The following ZMIZ1 variants were observed in gnomAD, a reference collection of about 807,000 sequenced individuals.
ZMIZ1 encodes the protein zinc finger MIZ-type containing 1.
Under a neutral mutation model 113.9 loss-of-function variants are expected in ZMIZ1, and 17 were observed. That is an observed-to-expected ratio of 0.15 (90% confidence interval 0.10 to 0.22). ZMIZ1 has a LOEUF of 0.22. Ranked by LOEUF, ZMIZ1 falls within the 10% of genes least tolerant of loss-of-function variation. The pLI, the probability that ZMIZ1 is intolerant of heterozygous loss-of-function variation, is 1.00. For synonymous variants in ZMIZ1, 607 were observed against 603.1 expected (o/e 1.01, Z -0.09); for missense variants, 1,059 against 1,477.8 (o/e 0.72, Z 4.65).
intron 1 of ZMIZ1, among the ~76,000 whole-genome samples, chr10:79,094,810 A>G (rs1589264132): frequency 6.6e-6 from 1 of 152,224 alleles, no homozygotes; most frequent in East Asian, 1.9e-4. Flanking sequence ...CTAGCTGAGC[A>G]TGGTGGTGTG....
intron 4 of ZMIZ1, among the ~76,000 whole-genome samples, chr10:79,185,136 C>T (rs566574666): frequency 7.9e-5 from 12 of 152,244 alleles, no homozygotes; most frequent in African/African-American, 2.6e-4. Flanking sequence ...CAGGCCAAGC[C>T]TTGGTCTCCC....
At chr10:79,142,481 A>G (rs1285789144) in intron 3 of ZMIZ1, among the ~76,000 whole-genome samples, 1 of 152,168 alleles carries the variant, frequency 6.6e-6, no homozygotes, top group Non-Finnish European at 1.5e-5. Flanking sequence ...AACAGAAAGC[A>G]GGCTCTGAGT....
intron 7 of ZMIZ1, among the ~76,000 whole-genome samples, chr10:79,250,592 C>T (rs1334225667): frequency 6.6e-6 from 1 of 152,246 alleles, no homozygotes; most frequent in Non-Finnish European, 1.5e-5. Context: ...CCCTGGACTT[C>T]TGAAGCCCGC....
chr10:79,294,731 C>G (rs1368503618), intron 12 of ZMIZ1: 2 of 152,372 alleles, frequency 1.3e-5, no homozygotes, highest in Admixed American at 6.5e-5. Flanking sequence ...CTGCCTGCCT[C>G]CCTCCCAGCT....
chr10:79,310,245 A>G (rs568496042), intron 23 of ZMIZ1, among the ~76,000 whole-genome samples: 1 of 152,260 alleles, frequency 6.6e-6, no homozygotes, highest in East Asian at 1.9e-4. Flanking sequence ...GATGTCTAGG[A>G]AAAGGGTCTG....
chr10:79,291,016 A>C lies in ZMIZ1; in HGVS notation c.598A>C (p.Met200Leu). The change falls in exon 10 of 25, where the codon ATG becomes CTG. Residue 200 changes from methionine (M) to leucine (L), a missense_variant. Transcript: ENST00000334512. The part of the protein sequence containing the change: ...NNPMNPGGNP[M>L]ASGMTTSNPG... ...CCCCATGAATCCAGGCGGCAACCCC[A>C]TGGCGTCGGGCATGACCACCAGCAA... 2.5e-6 allele frequency: 4 copies of C among 1,614,206 alleles called. No individual in the cohort carries two copies. In the South Asian group the frequency reaches 4.4e-5, roughly 18 times the overall value.
intron 4 of ZMIZ1, among the ~76,000 whole-genome samples, chr10:79,184,931 C>T (rs1253166125): frequency 6.6e-6 from 1 of 152,176 alleles, no homozygotes; most frequent in East Asian, 1.9e-4. Context: ...TGGATTTTTA[C>T]CTGCTCAGCC....
chr10:79,115,157 A>G (rs974646929), intron 1 of ZMIZ1, among the ~76,000 whole-genome samples: 2 of 152,108 alleles, frequency 1.3e-5, no homozygotes, highest in African/African-American at 2.4e-5. Context: ...TTCTGCTTGC[A>G]TGCCTCTGGG....
intron 4 of ZMIZ1, among the ~76,000 whole-genome samples, chr10:79,185,700 G>C (rs1847325026): frequency 6.6e-6 from 1 of 152,128 alleles, no homozygotes; most frequent in African/African-American, 2.4e-5. Flanking sequence ...AGGGTTTTTG[G>C]AGCAGGCCTG....
chr10:79,307,448 G>A lies in ZMIZ1; in HGVS notation c.2712G>A (p.Gly904=). 6.2e-7 allele frequency: 1 copy of A among 1,612,336 alleles called. No homozygotes were observed. Among genetic ancestry groups the A allele is most frequent in the Non-Finnish European group, 8.5e-7 (1 of 1,179,322 alleles). ...QGHGNFDFPH[G]NPGGTSMNDF... Reference sequence around the variant, plus strand: ...ATGGCAACTTTGACTTCCCCCACGGGAACCCTGGAGGGACATCCATGAATG... The same window carrying A: ...ATGGCAACTTTGACTTCCCCCACGGAAACCCTGGAGGGACATCCATGAATG... Residue 904 remains glycine, a synonymous_variant, in exon 23 of 25, where the codon GGG becomes GGA. Transcript: ENST00000334512.
intron 5 of ZMIZ1, among the ~76,000 whole-genome samples, chr10:79,207,087 G>A (rs375889919): frequency 3.8e-4 from 58 of 152,356 alleles, no homozygotes; most frequent in African/African-American, 1.4e-3. Context: ...GAAAGTGGGT[G>A]AAGGCAGAGT....
Position 79,302,175 on chromosome 10 carries a change from G to A in ZMIZ1, c.2088G>A (p.Lys696=). Reference sequence around the variant, plus strand: ...GCTCTGTGCTGCAAGGACTCCTCAAGAAGCGCCTCCTGCCCGCAGAGCACT... The same window carrying A: ...GCTCTGTGCTGCAAGGACTCCTCAAAAAGCGCCTCCTGCCCGCAGAGCACT... ...SVRSVLQGLL[K]KRLLPAEHCI... The change falls in exon 18 of 25, where the codon AAG becomes AAA. Residue 696 remains lysine (K), a synonymous_variant. Coordinates refer to ENST00000334512, the MANE Select transcript of ZMIZ1 (RefSeq NM_020338.4). 6.2e-7 allele frequency: 1 copy of A among 1,613,972 alleles called. No individual in the cohort carries two copies. Among genetic ancestry groups the A allele is most frequent in the Non-Finnish European group, 8.5e-7 (1 of 1,180,034 alleles).
At chr10:79,311,476 A>G (rs138417523) in intron 24 of ZMIZ1, among the ~76,000 whole-genome samples, 3 of 152,194 alleles carry the variant, frequency 2.0e-5, no homozygotes, top group Non-Finnish European at 4.4e-5. Context: ...CTTGCGCAGC[A>G]CAGGAGGGTC....
At chr10:79,237,085 C>T (rs1414939681) in intron 7 of ZMIZ1, among the ~76,000 whole-genome samples, 3 of 152,092 alleles carry the variant, frequency 2.0e-5, no homozygotes, top group African/African-American at 4.8e-5. Flanking sequence ...CTGCAGGATG[C>T]GGGGATGTGG....
intron 3 of ZMIZ1, among the ~76,000 whole-genome samples, chr10:79,146,656 G>A (rs1345595003): frequency 6.6e-6 from 1 of 152,262 alleles, no homozygotes; most frequent in Non-Finnish European, 1.5e-5. Context: ...CAGTTTCCCA[G>A]CAGACATCTG....
At chr10:79,304,697 G>A (rs1854562296) in intron 19 of ZMIZ1, among the ~76,000 whole-genome samples, 1 of 152,234 alleles carries the variant, frequency 6.6e-6, no homozygotes, top group Non-Finnish European at 1.5e-5. Context: ...CTGGTCCTGA[G>A]GGTGCAGTGG....
chr10:79,286,314 C>T (rs751261622), intron 8 of ZMIZ1, among the ~76,000 whole-genome samples: 5 of 152,328 alleles, frequency 3.3e-5, no homozygotes, highest in Admixed American at 6.5e-5. Context: ...GGCATTCCCC[C>T]GGTGGTGGTA....
intron 7 of ZMIZ1, among the ~76,000 whole-genome samples, chr10:79,243,041 A>T (rs975857180): frequency 1.3e-5 from 2 of 150,294 alleles, no homozygotes; most frequent in Admixed American, 1.3e-4. Context: ...GGCGCGCGCG[A>T]GCCGGGGCTC....
chr10:79,274,356 G>T (rs1852136736), intron 7 of ZMIZ1, among the ~76,000 whole-genome samples: 2 of 152,176 alleles, frequency 1.3e-5, no homozygotes, highest in African/African-American at 4.8e-5. Context: ...AGAGCAGACA[G>T]ACTTCCCAGT....
Sources: gnomAD v4.1 joint callset for allele counts (sites outside exome capture counted in the v4.1 genomes callset) on GRCh38, gnomAD v4.1.1 for gene constraint, MANE v1.5 for transcripts, NCBI Gene and HGNC (gene_info 2026-07-23, HGNC 2026-07-21) for gene names.